MCTP2: variants seen among roughly 807,000 people sequenced by gnomAD.
The protein encoded by MCTP2 is multiple C2 and transmembrane domain-containing protein 2.
MCTP2 carries 132 observed loss-of-function variants against 111.6 expected under a neutral mutation model. The observed-to-expected ratio is 1.18, with a 90% CI of 1.03 to 1.37. MCTP2 has a LOEUF of 1.37. MCTP2 is among the 40% of genes most tolerant of loss of function. The pLI, the probability that MCTP2 is intolerant of heterozygous loss-of-function variation, is 0.00. For missense variants in MCTP2, 1,183 were observed against 1,067.9 expected (o/e 1.11, Z -1.50); for synonymous variants, 395 against 387.7 (o/e 1.02, Z -0.22).
chr15:94,345,081 T>A, intron 7 of MCTP2, 48 bp from the exon 8 acceptor site: 1 of 1,602,006 alleles, frequency 6.2e-7, no homozygotes, highest in Non-Finnish European at 8.5e-7. Flanking sequence ...TCTATCTTCC[T>A]CTGTTTTATT....
At chr15:94,464,247 TATATATATATTATATA>T (rs1047303631) in intron 20 of MCTP2, among the ~76,000 whole-genome samples, 2 of 60,190 alleles carry the variant, frequency 3.3e-5, no homozygotes, top group Non-Finnish European at 6.9e-5. Context: ...ATAATATATA[TATATATATATTATATA>T]TATATATATA....
Position 94,367,659 on chromosome 15 carries a change from G to C in MCTP2, c.1356G>C (p.Leu452=). 3 of 1,611,870 alleles carry C rather than the reference G, an allele frequency of 1.9e-6. No individual in the cohort carries two copies. The highest frequency in any genetic ancestry group is 2.5e-6 in the Non-Finnish European group (3 of 1,178,874). Residue 452 remains leucine (L), a synonymous_variant, in exon 11 of 23, where the codon CTG becomes CTC. Transcript: ENST00000357742. ...LPLKQANCLE[L]PLDSCLGALL... ...TGAAGCAAGCCAACTGCCTGGAGCT[G>C]CCACTGGACAGCTGTCTGGGGGCTC... is the stretch of plus-strand genomic sequence containing the variant.
At chr15:94,462,882 C>A (rs2085302132) in intron 20 of MCTP2, among the ~76,000 whole-genome samples, 1 of 152,144 alleles carries the variant, frequency 6.6e-6, no homozygotes, top group African/African-American at 2.4e-5. Context: ...GTATTAATCA[C>A]CTAAAAATAT....
At chr15:94,299,114 T>C (rs1482914223) in intron 2 of MCTP2, among the ~76,000 whole-genome samples, 4 of 147,052 alleles carry the variant, frequency 2.7e-5, no homozygotes, top group African/African-American at 1.0e-4. Flanking sequence ...GGGGAGAATG[T>C]TGTTTACAAG....
intron 12 of MCTP2, among the ~76,000 whole-genome samples, chr15:94,370,963 G>A (rs957409588): frequency 3.9e-5 from 6 of 152,112 alleles, no homozygotes; most frequent in African/African-American, 1.4e-4. Flanking sequence ...TTTTTAGAAT[G>A]TGGGCTACTC....
At chr15:94,243,503 GTATGCGTA>G (rs1455556975) in intron 1 of MCTP2, among the ~76,000 whole-genome samples, 2 of 135,248 alleles carry the variant, frequency 1.5e-5, no homozygotes, top group Admixed American at 7.2e-5. Context: ...GCGTACATAT[GTATGCGTA>G]TATGCGTATG....
intron 17 of MCTP2, among the ~76,000 whole-genome samples, chr15:94,413,879 C>G (rs1000627214): frequency 3.9e-5 from 6 of 152,094 alleles, no homozygotes; most frequent in Admixed American, 6.6e-5. Context: ...TCTTTCTTTT[C>G]TGCTAGTTAA....
intron 20 of MCTP2, among the ~76,000 whole-genome samples, chr15:94,466,375 T>TTAAGTCACCTTGGGA: frequency 6.6e-6 from 1 of 152,274 alleles, no homozygotes; most frequent in South Asian, 2.1e-4. Context: ...GGATTACTGT[T>TTAAGTCACCTTGGGA]TAAGTCACCT....
At chr15:94,247,922 G>A (rs2072134755) in intron 1 of MCTP2, among the ~76,000 whole-genome samples, 1 of 152,148 alleles carries the variant, frequency 6.6e-6, no homozygotes, top group Non-Finnish European at 1.5e-5. Flanking sequence ...AATGTGCCAG[G>A]TATTGATGTG....
At chr15:94,269,610 G>A (rs534253433) in intron 1 of MCTP2, among the ~76,000 whole-genome samples, 3 of 152,298 alleles carry the variant, frequency 2.0e-5, no homozygotes, top group East Asian at 3.9e-4. Context: ...TCCCATATAT[G>A]TGATTAGCCA....
chr15:94,383,568 G>A (rs185912201), intron 12 of MCTP2, among the ~76,000 whole-genome samples: 81 of 152,314 alleles, frequency 5.3e-4, no homozygotes, highest in East Asian at 3.3e-3. Flanking sequence ...AGCAGAAGGC[G>A]AGTCACGTCT....
chr15:94,289,185 A>C (rs2074917061), intron 1 of MCTP2, among the ~76,000 whole-genome samples: 2 of 152,188 alleles, frequency 1.3e-5, no homozygotes, highest in Non-Finnish European at 2.9e-5. Flanking sequence ...ACACACACCC[A>C]GGCACATCAT....
intron 1 of MCTP2, among the ~76,000 whole-genome samples, chr15:94,254,200 C>A (rs932081814): frequency 2.6e-5 from 4 of 152,072 alleles, no homozygotes; most frequent in African/African-American, 7.3e-5. Context: ...TTTTCTTTAC[C>A]ATTTCCCATT....
intron 17 of MCTP2, among the ~76,000 whole-genome samples, chr15:94,416,761 GAAAAGAA>G (rs1232348687): frequency 1.3e-5 from 2 of 151,682 alleles, no homozygotes; most frequent in African/African-American, 4.8e-5. Context: ...GAGGAAAAAA[GAAAAGAA>G]AAAAATAGAG....
intron 10 of MCTP2, among the ~76,000 whole-genome samples, chr15:94,363,086 G>T (rs181558947): frequency 4.0e-4 from 61 of 152,282 alleles, no homozygotes; most frequent in African/African-American, 1.4e-3. Context: ...GGCTGCAAAA[G>T]ATTTAGTTAG....
chr15:94,401,994 CA>C lies in MCTP2; in HGVS notation c.2061del (p.Leu688Ter). 2 of 1,613,464 alleles carry C rather than the reference CA, an allele frequency of 1.2e-6. No homozygotes were observed. The highest frequency in any genetic ancestry group is 1.7e-6 in the Non-Finnish European group (2 of 1,179,676). ...AAAAGCTGCTTCCAGTGGGAATCCA[CA>C]TTAAGAAGTACAATAGCATTCGCGG... ...FLKSCFQWESTLRSTIAFAVF... is the reference protein window; with the variant it reads ...FLKSCFQWESXLRSTIAFAVF... On this transcript the variant is annotated frameshift_variant, in exon 17 of 23. Transcript: ENST00000357742. LOFTEE classifies it high-confidence loss of function.
intron 1 of MCTP2, among the ~76,000 whole-genome samples, chr15:94,287,333 G>A (rs1467806537): frequency 1.3e-5 from 2 of 151,318 alleles, no homozygotes; most frequent in African/African-American, 4.9e-5. Flanking sequence ...TGTATTTTAT[G>A]CTGTTGTTGC....
chr15:94,234,699 T>G (rs2152205721), intron 1 of MCTP2, among the ~76,000 whole-genome samples: 1 of 152,338 alleles, frequency 6.6e-6, no homozygotes. Flanking sequence ...CAGGGATGCC[T>G]TTGGCCATTG....
intron 2 of MCTP2, among the ~76,000 whole-genome samples, chr15:94,300,703 G>T (rs1040942231): frequency 6.6e-6 from 1 of 152,080 alleles, no homozygotes; most frequent in Non-Finnish European, 1.5e-5. Flanking sequence ...CAGAGCTGTT[G>T]TTGCAAAATG....
Sources: allele counts gnomAD v4.1 joint callset (sites outside exome capture counted in the v4.1 genomes callset), GRCh38; gene constraint gnomAD v4.1.1; transcripts MANE v1.5; gene names NCBI Gene and HGNC (gene_info 2026-07-23, HGNC 2026-07-21).